RARB: variants seen among roughly 807,000 people sequenced by gnomAD.
RARB encodes HBV-activated protein.
RARB carries 17 observed loss-of-function variants against 51.9 expected under a neutral mutation model. The observed-to-expected ratio is 0.33, with a 90% CI of 0.22 to 0.49. The LOEUF (loss-of-function observed/expected upper bound fraction) is 0.49, where lower values mean the gene tolerates loss of function less well. RARB is among the 20% of genes least tolerant of loss of function. The probability of loss-of-function intolerance (pLI) is 0.99; values close to 1 mark genes in which losing one functional copy is unlikely to be tolerated. For synonymous variants in RARB, 215 were observed against 195.4 expected (o/e 1.10, Z -0.84); for missense variants, 369 against 550.8 (o/e 0.67, Z 3.30).
At chr3:24,944,637 C>T (rs1354387660) in intron 2 of RARB, among the ~76,000 whole-genome samples, 4 of 152,136 alleles carry the variant, frequency 2.6e-5, no homozygotes, top group Non-Finnish European at 4.4e-5. Flanking sequence ...CACTTAGGTG[C>T]CAAGTTGATT....
intron 2 of RARB, among the ~76,000 whole-genome samples, chr3:24,904,918 A>T (rs1169881034): frequency 1.3e-5 from 2 of 152,212 alleles, no homozygotes; most frequent in Non-Finnish European, 2.9e-5. Context: ...AGGAACAAAA[A>T]ACCAAACACT....
intron 2 of RARB, among the ~76,000 whole-genome samples, chr3:25,016,497 G>GA (rs1226829667): frequency 1.3e-5 from 2 of 152,174 alleles, no homozygotes; most frequent in African/African-American, 4.8e-5. Flanking sequence ...CATGGTGGGA[G>GA]AGGGGAATCA....
At chr3:24,991,465 A>C (rs923375419) in intron 2 of RARB, among the ~76,000 whole-genome samples, 3 of 151,946 alleles carry the variant, frequency 2.0e-5, no homozygotes, top group African/African-American at 7.3e-5. Context: ...AAAAAGAAAA[A>C]GAAAAAGAAA....
intron 2 of RARB, among the ~76,000 whole-genome samples, chr3:25,495,217 A>G (rs938867495): frequency 8.5e-5 from 13 of 152,220 alleles, no homozygotes; most frequent in Admixed American, 2.6e-4. Flanking sequence ...TGAAGAAAAA[A>G]AATCTAAAGC....
At chr3:24,837,994 C>G (rs1446577121) in intron 1 of RARB, among the ~76,000 whole-genome samples, 1 of 152,164 alleles carries the variant, frequency 6.6e-6, no homozygotes, top group Non-Finnish European at 1.5e-5. Flanking sequence ...CATCAGCTAC[C>G]CTGAACTTTT....
At chr3:25,271,839 T>A (rs1345597383) in intron 5 of RARB, among the ~76,000 whole-genome samples, 1 of 152,210 alleles carries the variant, frequency 6.6e-6, no homozygotes, top group South Asian at 2.1e-4. Context: ...TCAATCTTGC[T>A]GAATAAGCTA....
At chr3:25,289,632 C>T (rs1304863988) in intron 5 of RARB, among the ~76,000 whole-genome samples, 1 of 152,216 alleles carries the variant, frequency 6.6e-6, no homozygotes, top group Non-Finnish European at 1.5e-5. Flanking sequence ...TTGCACTTTT[C>T]CTTCACCCCT....
intron 2 of RARB, among the ~76,000 whole-genome samples, chr3:24,985,980 C>G (rs966734117): frequency 1.3e-5 from 2 of 152,180 alleles, no homozygotes; most frequent in Non-Finnish European, 2.9e-5. Context: ...ATTAAATATG[C>G]CATAAAATAT....
intron 5 of RARB, among the ~76,000 whole-genome samples, chr3:25,235,604 C>T (rs1702284000): frequency 6.6e-6 from 1 of 152,158 alleles, no homozygotes; most frequent in Non-Finnish European, 1.5e-5. Flanking sequence ...ACAGACAAAA[C>T]ATTCCATAGC....
intron 3 of RARB, among the ~76,000 whole-genome samples, chr3:25,067,859 G>A (rs965516363): frequency 7.2e-5 from 11 of 151,964 alleles, no homozygotes; most frequent in African/African-American, 2.2e-4. Context: ...AATCTTGGCC[G>A]GGTGCAGTGG....
chr3:25,416,497 T>C (rs1707707780), intron 5 of RARB, among the ~76,000 whole-genome samples: 1 of 152,208 alleles, frequency 6.6e-6, no homozygotes, highest in African/African-American at 2.4e-5. Flanking sequence ...TGCCGCTAGA[T>C]TTCATCTTCA....
In RARB at chr3:25,046,866, C is replaced by T. The variant is rs375845372; in HGVS notation, c.-379-13259C>T. On this transcript the variant is annotated intron_variant, in intron 2 of 11. Coordinates refer to the RARB transcript ENST00000383772. ...TGCATATAATTTATAAGTTAATACA[C>T]GTGTGTTGGGAGTGCTTGCTAATTT... is the stretch of plus-strand genomic sequence containing the variant. Among the ~76,000 whole-genome samples, 132 of 152,140 alleles carry T rather than the reference C, an allele frequency of 8.7e-4. 2 individuals carry two copies. Among genetic ancestry groups the T allele is most frequent in the Non-Finnish European group, 3.8e-4 (26 of 68,028 alleles).
chr3:24,929,356 G>A (rs922300061), intron 2 of RARB, among the ~76,000 whole-genome samples: 1 of 151,988 alleles, frequency 6.6e-6, no homozygotes, highest in African/African-American at 2.4e-5. Flanking sequence ...ATAAATTATA[G>A]GAAGATCTAA....
intron 3 of RARB, among the ~76,000 whole-genome samples, chr3:25,551,558 T>C (rs984492984): frequency 3.9e-5 from 6 of 152,148 alleles, no homozygotes; most frequent in African/African-American, 1.4e-4. Context: ...AGAGTCCATT[T>C]TAGGGAGAAG....
In RARB at chr3:24,967,938, A is replaced by C. The variant is rs546660202; in HGVS notation, c.-379-92187A>C. Among the ~76,000 whole-genome samples the C allele has an allele frequency of 2.2e-4, 34 of 152,288 alleles. No individual in the cohort carries two copies. In the South Asian group the frequency reaches 6.4e-3, roughly 29 times the overall value. On this transcript the variant is annotated intron_variant, in intron 2 of 11. Transcript: ENST00000383772. The stretch of plus-strand genomic sequence containing the variant: ...AAGGGGGAATTAAGCAGTAGCAACA[A>C]ACACTATTATCATTAGAGTTTCCGG...
At chr3:25,307,067 A>C (rs749775873) in intron 5 of RARB, among the ~76,000 whole-genome samples, 1 of 152,170 alleles carries the variant, frequency 6.6e-6, no homozygotes, top group Non-Finnish European at 1.5e-5. Context: ...GATACCTATT[A>C]GGTATTTATC....
chr3:25,419,245 G>A (rs946742120), intron 5 of RARB, among the ~76,000 whole-genome samples: 2 of 152,142 alleles, frequency 1.3e-5, no homozygotes, highest in Non-Finnish European at 2.9e-5. Context: ...ATGAGGGTCT[G>A]ATGACCTGCT....
chr3:25,568,611 C>A (rs1700587703), intron 3 of RARB, among the ~76,000 whole-genome samples: 1 of 152,166 alleles, frequency 6.6e-6, no homozygotes, highest in Admixed American at 6.5e-5. Context: ...TATGGGTATT[C>A]TCATGGTGTG....
chr3:25,582,755 C>T (rs1217800764), intron 5 of RARB, among the ~76,000 whole-genome samples: 7 of 152,094 alleles, frequency 4.6e-5, no homozygotes, highest in Non-Finnish European at 1.0e-4. Context: ...AAGCATTAGC[C>T]ATTAGCCCCT....
Sources: gnomAD v4.1 joint callset for allele counts (sites outside exome capture counted in the v4.1 genomes callset) on GRCh38, gnomAD v4.1.1 for gene constraint, MANE v1.5 for transcripts, NCBI Gene and HGNC (gene_info 2026-07-23, HGNC 2026-07-21) for gene names.